Variants in CELSR1 observed in about 807,000 individuals in gnomAD.
The protein encoded by CELSR1 is cadherin EGF LAG seven-pass G-type receptor 1, also known as adhesion G protein-coupled receptor C1.
A neutral mutation model predicts 249.1 loss-of-function variants in CELSR1; 110 were observed. That is an observed-to-expected ratio of 0.44 (90% CI 0.38 to 0.52). The LOEUF (loss-of-function observed/expected upper bound fraction) is 0.52, where lower values mean the gene tolerates loss of function less well. CELSR1 is among the 20% of genes least tolerant of loss of function. The pLI, the probability that CELSR1 is intolerant of heterozygous loss-of-function variation, is 0.00. For synonymous variants in CELSR1, 2,113 were observed against 1,900.0 expected, an observed-to-expected ratio of 1.11 and a Z score of -2.92; for missense variants, 4,109 against 4,296.4, an observed-to-expected ratio of 0.96 and a Z score of 1.22.
rs1301418159 is a variant in CELSR1 at position 46,396,764 on chromosome 22, G to C, written c.5702-18C>G. On this transcript the variant is annotated intron_variant, in intron 12 of 34. Coordinates refer to ENST00000674500, the MANE Select transcript of CELSR1 (RefSeq NM_001378328.1). The surrounding 1 kb of genome is among the most constrained non-coding windows in gnomAD (Gnocchi z 6.4). ...AAGGTACCCTGCAAGGACAGAGCCA[G>C]CATTACCTCCACCCACAATCCACGA... 1.2e-6 allele frequency: 2 copies of C among 1,608,880 alleles called. No homozygotes were observed. The highest frequency in any genetic ancestry group is 1.7e-6 in the Non-Finnish European group (2 of 1,177,758).
intron 2 of CELSR1, among the ~76,000 whole-genome samples, chr22:46,460,763 C>A (rs530272143): frequency 6.6e-6 from 1 of 152,166 alleles, no homozygotes; most frequent in African/African-American, 2.4e-5. Flanking sequence ...CAACCACAGT[C>A]CCAACGCCGT....
chr22:46,386,621 G>C, intron 18 of CELSR1, 36 bp from the exon 19 acceptor site: 1 of 1,513,232 alleles, frequency 6.6e-7, no homozygotes, highest in Non-Finnish European at 8.8e-7. Flanking sequence ...CTCAGCCTGC[G>C]GAGGCCTGGC....
Position 46,521,628 on chromosome 22 carries a change from C to T in CELSR1, c.3544+11999G>A, listed in dbSNP as rs193062996. 2.7e-3 allele frequency among the ~76,000 whole-genome samples: 411 copies of T among 151,984 alleles called. 2 individuals are homozygous for T. The highest frequency in any genetic ancestry group is 9.5e-3 in the African/African-American group (393 of 41,460). On this transcript the variant is annotated intron_variant, in intron 1 of 34. Transcript: ENST00000674500. The stretch of plus-strand genomic sequence containing the variant: ...GGTCAGGAATTCGAGACCATCCTGG[C>T]CAACATGGAGAAACCCCGTCTCTAC...
Position 46,381,723 on chromosome 22 carries a change from C to T in CELSR1, c.7088+123G>A. ...AAGGCAATGGTCTCTGTCTCTGGGCCAGGGTCACGGTGAAATGTCACTGTG... is the reference window on the plus strand; with the variant it reads ...AAGGCAATGGTCTCTGTCTCTGGGCTAGGGTCACGGTGAAATGTCACTGTG... On this transcript the variant is annotated intron_variant, in intron 21 of 34. Coordinates refer to ENST00000674500, the MANE Select transcript of CELSR1 (RefSeq NM_001378328.1). This position sits in a 1 kb window ranked among gnomAD's most constrained non-coding sequence, Gnocchi z 6.0. 2.2e-6 allele frequency: 2 copies of T among 929,004 alleles called. No individual in the cohort carries two copies. Among genetic ancestry groups the T allele is most frequent in the Non-Finnish European group, 1.6e-6 (1 of 630,092 alleles). 57.5% of individuals were successfully genotyped at this position (929,004 alleles called of 1,614,324 possible).
intron 1 of CELSR1, among the ~76,000 whole-genome samples, chr22:46,486,592 C>T (rs1053159016): frequency 6.6e-6 from 1 of 151,066 alleles, no homozygotes; most frequent in African/African-American, 2.4e-5. Context: ...CCTGTAATCC[C>T]AGCACTTTGG....
intron 17 of CELSR1, among the ~76,000 whole-genome samples, chr22:46,389,775 C>T (rs1477391021): frequency 6.6e-6 from 1 of 150,692 alleles, no homozygotes; most frequent in African/African-American, 2.5e-5. Flanking sequence ...AAATACTCTA[C>T]TCTATGTCTC....
chr22:46,503,171 A>G (rs2080482814), intron 1 of CELSR1, among the ~76,000 whole-genome samples: 1 of 152,200 alleles, frequency 6.6e-6, no homozygotes, highest in Non-Finnish European at 1.5e-5. Flanking sequence ...GGACAGGGAC[A>G]GGACCTAAGA....
chr22:46,503,760 C>T (rs2080488030), intron 1 of CELSR1, among the ~76,000 whole-genome samples: 1 of 152,184 alleles, frequency 6.6e-6, no homozygotes, highest in Non-Finnish European at 1.5e-5. Flanking sequence ...CTGGGTGCAG[C>T]GTCTCACGCC....
At chr22:46,453,687 G>A (rs901819997) in intron 2 of CELSR1, among the ~76,000 whole-genome samples, 1 of 152,172 alleles carries the variant, frequency 6.6e-6, no homozygotes, top group Non-Finnish European at 1.5e-5. Flanking sequence ...TCGCCCCCGA[G>A]GTCGTCTGGG....
At chr22:46,453,518 A>G (rs752954594) in intron 2 of CELSR1, among the ~76,000 whole-genome samples, 3 of 152,220 alleles carry the variant, frequency 2.0e-5, no homozygotes, top group Admixed American at 6.5e-5. Flanking sequence ...GCTTCATCTG[A>G]TAAGTGTAAC....
At position 46,392,396 on chromosome 22, in the gene CELSR1, G is replaced by A. The variant is rs538715999; in HGVS notation, c.5965-580C>T. ...CAGGCTGTGACTTGGGCAGACTCGT[G>A]AGCAACGTTCAGACCTGTGTGTCAG... On this transcript the variant is annotated intron_variant, in intron 14 of 34. Coordinates refer to ENST00000674500, the MANE Select transcript of CELSR1 (RefSeq NM_001378328.1). 3.2e-4 allele frequency among the ~76,000 whole-genome samples: 49 copies of A among 152,020 alleles called. 1 individual carries two copies. The highest frequency in any genetic ancestry group is 1.0e-3 in the Admixed American group (16 of 15,260).
chr22:46,370,119 C>T (rs568196259), intron 25 of CELSR1: 6 of 490,760 alleles, frequency 1.2e-5, no homozygotes, highest in East Asian at 5.7e-5. Context: ...CAGGAGGGAT[C>T]GTGAAGGCAG....
chr22:46,394,360 G>A, intron 13 of CELSR1, 98 bp from the exon 14 acceptor site: 3 of 1,414,992 alleles, frequency 2.1e-6, no homozygotes, highest in Non-Finnish European at 2.9e-6. Context: ...TTGCCCAGGA[G>A]GCCTGGCTGG....
rs1375970815 is a variant in CELSR1 at position 46,465,954 on chromosome 22, C to T, written c.3545-1609G>A. 3.9e-5 allele frequency among the ~76,000 whole-genome samples: 6 copies of T among 152,158 alleles called. No homozygotes were observed. In the East Asian group the frequency reaches 9.7e-4, roughly 24 times the overall value. ...CTCTGCCAGGTGGCCTTCAGGACAGCGTGGCAAGTCAGGACTCAGAACATG... is the reference window on the plus strand; with the variant it reads ...CTCTGCCAGGTGGCCTTCAGGACAGTGTGGCAAGTCAGGACTCAGAACATG... On this transcript the variant is annotated intron_variant, in intron 1 of 34. Coordinates refer to ENST00000674500, the MANE Select transcript of CELSR1 (RefSeq NM_001378328.1).
Position 46,363,252 on chromosome 22 carries a change from G to C in CELSR1, c.9036-5C>G. The C allele has an allele frequency of 6.2e-7, 1 of 1,611,284 alleles. No individual in the cohort carries two copies. ...ATTGAAGTTTCATTACTGCCTCTGCGCGTGGGAAGAAGCCAGCAAGCAGGT... is the reference window on the plus strand; with the variant it reads ...ATTGAAGTTTCATTACTGCCTCTGCCCGTGGGAAGAAGCCAGCAAGCAGGT... On this transcript the variant is annotated splice_polypyrimidine_tract_variant and splice_region_variant and intron_variant, in intron 34 of 34. Coordinates refer to ENST00000674500, the MANE Select transcript of CELSR1 (RefSeq NM_001378328.1). This position sits in a 1 kb window ranked among gnomAD's most constrained non-coding sequence, Gnocchi z 4.3.
rs1422601758 is a variant in CELSR1, at chr22:46,380,792, G to A, written c.7252C>T (p.Leu2418=). The change falls in exon 22 of 35, where the codon CTG becomes TTG. Residue 2418 remains leucine (L), a synonymous_variant. Transcript: ENST00000674500. This position sits in a 1 kb window ranked among gnomAD's most constrained non-coding sequence, Gnocchi z 5.1. ...GGCTCCTGGCGTCACACTTACGCCA[G>A]GGAGTGGTTCCAGAACACGCAGACA... The part of the protein sequence containing the change: ...KPVCVFWNHS[L]AVGGTGGWSA... 6.2e-7 allele frequency: 1 copy of A among 1,612,316 alleles called. No homozygotes were observed. Among genetic ancestry groups the A allele is most frequent in the Non-Finnish European group, 8.5e-7 (1 of 1,179,584 alleles).
In CELSR1 at chr22:46,365,538, C is replaced by T. The variant is rs181995022; in HGVS notation, c.8404+48G>A. 85 of 1,549,172 alleles carry T rather than the reference C, an allele frequency of 5.5e-5. No homozygotes were observed. The African/African-American group carries it at 6.5e-4, about 12-fold the overall frequency. On this transcript the variant is annotated intron_variant, in intron 31 of 34. Coordinates refer to ENST00000674500, the MANE Select transcript of CELSR1 (RefSeq NM_001378328.1). ...GCAGTCTGTCCAGTGACCGAAGGGA[C>T]GTGGGAAAAACAACCCACGGGGTCC...
Position 46,365,385 on chromosome 22 carries a change from G to GGATGC in CELSR1, c.8405-10_8405-6dup. 6.2e-7 allele frequency: 1 copy of GGATGC among 1,612,402 alleles called. No homozygotes were observed. Among genetic ancestry groups the GGATGC allele is most frequent in the Non-Finnish European group, 8.5e-7 (1 of 1,179,884 alleles). The stretch of plus-strand genomic sequence containing the variant: ...TATCTGAGTCGGAATCGTGGCCTGT[G>GGATGC]GATGCGCGGGGGACAGGGAGGCTCA... On this transcript the variant is annotated splice_polypyrimidine_tract_variant and splice_region_variant and intron_variant, in intron 31 of 34. Transcript: ENST00000674500.
chr22:46,445,997 C>T lies in CELSR1; in HGVS notation c.4184-6586G>A, dbSNP rs1405797560. 6.6e-6 allele frequency among the ~76,000 whole-genome samples: 1 copy of T among 152,206 alleles called. No homozygotes were observed. The highest frequency in any genetic ancestry group is 2.4e-5 in the African/African-American group (1 of 41,474). ...GCACAGCCTCCAGACCTACTTGTCC[C>T]TTGCCTCGCGACAGCACAGTCCTCC... On this transcript the variant is annotated intron_variant, in intron 2 of 34. Transcript: ENST00000674500. This position sits in a 1 kb window ranked among gnomAD's most constrained non-coding sequence, Gnocchi z 4.4.
Sources: gnomAD v4.1 joint callset for allele counts (sites outside exome capture counted in the v4.1 genomes callset) on GRCh38, gnomAD v4.1.1 for gene constraint, Gnocchi (gnomAD v3.1) non-coding constraint, MANE v1.5 for transcripts, NCBI Gene and HGNC (gene_info 2026-07-23, HGNC 2026-07-21) for gene names.